Variants in PITPNC1 observed in about 807,000 individuals in gnomAD.
The protein encoded by PITPNC1 is cytoplasmic phosphatidylinositol transfer protein 1.
PITPNC1 carries 18 observed loss-of-function variants against 44.7 expected under a neutral mutation model. The ratio of observed to expected loss-of-function variants is 0.40; its 90% CI spans 0.28 to 0.60. The LOEUF is 0.60. Among genes scored for constraint, PITPNC1 ranks in the 20% least tolerant of loss-of-function variants. The pLI, the probability that PITPNC1 is intolerant of heterozygous loss-of-function variation, is 0.39. For missense variants in PITPNC1, 290 were observed against 418.4 expected (o/e 0.69, Z 2.68); for synonymous variants, 141 against 149.6 (o/e 0.94, Z 0.42).
chr17:67,632,336 C>G (rs1017515934), intron 6 of PITPNC1, 98 bp downstream of exon 6: 6 of 749,064 alleles, frequency 8.0e-6, no homozygotes, highest in Non-Finnish European at 1.4e-5. Context: ...TGCCATCTCT[C>G]GTCGTGTGGA....
At chr17:67,427,377 A>AT (rs1207737601) in intron 1 of PITPNC1, among the ~76,000 whole-genome samples, 3 of 151,682 alleles carry the variant, frequency 2.0e-5, no homozygotes, top group East Asian at 1.9e-4. Context: ...CGCCCGGCTA[A>AT]TTTTTTTTGT....
chr17:67,401,318 C>G (rs2038307642), intron 1 of PITPNC1, among the ~76,000 whole-genome samples: 1 of 152,156 alleles, frequency 6.6e-6, no homozygotes, highest in Non-Finnish European at 1.5e-5. Flanking sequence ...AGAGTCCTTT[C>G]TATGATAATC....
chr17:67,456,766 GTCTTTC>G (rs1219576177), intron 1 of PITPNC1, among the ~76,000 whole-genome samples: 3 of 151,750 alleles, frequency 2.0e-5, no homozygotes, highest in Non-Finnish European at 4.4e-5. Context: ...GTCTTTACTC[GTCTTTC>G]TAAGTACTCT....
intron 5 of PITPNC1, among the ~76,000 whole-genome samples, chr17:67,583,102 G>C (rs943452348): frequency 6.6e-6 from 1 of 152,164 alleles, no homozygotes; most frequent in South Asian, 2.1e-4. Flanking sequence ...GCGCAGGCTG[G>C]TCTAAACCAG....
At chr17:67,384,456 C>T (rs1192471637) in intron 1 of PITPNC1, among the ~76,000 whole-genome samples, 6 of 149,564 alleles carry the variant, frequency 4.0e-5, no homozygotes, top group Non-Finnish European at 8.9e-5. Context: ...GACGGAGTCT[C>T]GCTCTTTCGC....
intron 1 of PITPNC1, among the ~76,000 whole-genome samples, chr17:67,459,991 C>G (rs2039312301): frequency 1.3e-5 from 2 of 152,206 alleles, no homozygotes; most frequent in Non-Finnish European, 2.9e-5. Flanking sequence ...CAGAGCTCTT[C>G]TATCTCTCTC....
At chr17:67,538,383 T>C (rs1215375424) in intron 2 of PITPNC1, among the ~76,000 whole-genome samples, 1 of 152,146 alleles carries the variant, frequency 6.6e-6, no homozygotes, top group Admixed American at 6.6e-5. Context: ...GAGGATCGAT[T>C]GAGCCTAGGA....
At chr17:67,667,095 G>C (rs1191417285) in intron 6 of PITPNC1, among the ~76,000 whole-genome samples, 1 of 152,162 alleles carries the variant, frequency 6.6e-6, no homozygotes. Flanking sequence ...CCAATTTTCT[G>C]CTTCAGCCTG....
chr17:67,531,217 C>T (rs181933738), intron 1 of PITPNC1, among the ~76,000 whole-genome samples: 18 of 152,226 alleles, frequency 1.2e-4, no homozygotes, highest in Non-Finnish European at 1.8e-4. Flanking sequence ...TAGTCCCGCC[C>T]GTGTGACAGA....
At chr17:67,664,198 C>T (rs2042389208) in intron 6 of PITPNC1, among the ~76,000 whole-genome samples, 1 of 152,150 alleles carries the variant, frequency 6.6e-6, no homozygotes, top group Non-Finnish European at 1.5e-5. Flanking sequence ...CTCCTGACCT[C>T]AGGTGATCCA....
At chr17:67,458,214 T>G (rs1245224707) in intron 1 of PITPNC1, among the ~76,000 whole-genome samples, 2 of 152,206 alleles carry the variant, frequency 1.3e-5, no homozygotes, top group African/African-American at 4.8e-5. Context: ...CTCTTTTTCC[T>G]TCACAGGTGT....
chr17:67,426,971 C>A (rs1219616691), intron 1 of PITPNC1, among the ~76,000 whole-genome samples: 2 of 152,100 alleles, frequency 1.3e-5, no homozygotes, highest in Admixed American at 1.3e-4. Context: ...GTTCTGAGCA[C>A]CATGCTTACA....
chr17:67,471,289 G>C (rs960169656), intron 1 of PITPNC1, among the ~76,000 whole-genome samples: 9 of 142,576 alleles, frequency 6.3e-5, no homozygotes, highest in African/African-American at 2.4e-4. Context: ...TGTATCAATA[G>C]TTTGTTCCTT....
At chr17:67,561,710 C>T (rs1173951750) in intron 4 of PITPNC1, among the ~76,000 whole-genome samples, 1 of 152,184 alleles carries the variant, frequency 6.6e-6, no homozygotes, top group Non-Finnish European at 1.5e-5. Context: ...TGGCCATATG[C>T]TCACCTGTAT....
intron 5 of PITPNC1, among the ~76,000 whole-genome samples, chr17:67,618,855 C>T (rs959267871): frequency 2.0e-5 from 3 of 151,978 alleles, no homozygotes; most frequent in Non-Finnish European, 4.4e-5. Context: ...GTTAGGAGAT[C>T]GAGACCATCC....
chr17:67,508,931 C>G lies in PITPNC1; in HGVS notation c.49-23871C>G, dbSNP rs12945308. 0.05 allele frequency among the ~76,000 whole-genome samples: 7,650 copies of G among 152,122 alleles called. 253 individuals carry two copies. Among genetic ancestry groups the G allele is most frequent in the Middle Eastern group, 0.11 (31 of 294 alleles). ...AAATTTCATGTTATGTATGTTTTAC[C>G]ATAATTTAAAAATAAAAACAGGCCG... is the stretch of plus-strand genomic sequence containing the variant. On this transcript the variant is annotated intron_variant, in intron 1 of 8. Transcript: ENST00000581322. The surrounding 1 kb of genome is among the most constrained non-coding windows in gnomAD (Gnocchi z 4.2).
In PITPNC1 at chr17:67,540,863, A is replaced by G. The variant is rs368252697; in HGVS notation, c.197+7913A>G. ...TAAGCCAACATCTGGCTAAATATCT[A>G]GAAGATATCCTTTCCATACCCTTGA... On this transcript the variant is annotated intron_variant, in intron 2 of 8. Transcript: ENST00000581322. Among the ~76,000 whole-genome samples, 42 of 152,350 alleles carry G rather than the reference A, an allele frequency of 2.8e-4. No individual in the cohort carries two copies. The South Asian group carries it at 8.3e-3, about 30-fold the overall frequency.
At chr17:67,568,857 T>C (rs1284578054) in intron 4 of PITPNC1, among the ~76,000 whole-genome samples, 2 of 152,312 alleles carry the variant, frequency 1.3e-5, no homozygotes, top group East Asian at 3.9e-4. Context: ...TTCTTTTACA[T>C]TGTAAAGTGG....
intron 1 of PITPNC1, among the ~76,000 whole-genome samples, chr17:67,445,688 C>G (rs1455223761): frequency 6.6e-6 from 1 of 152,020 alleles, no homozygotes; most frequent in Non-Finnish European, 1.5e-5. Context: ...CCCAAGATGA[C>G]CTGGCAACTG....
Sources: allele counts gnomAD v4.1 joint callset (sites outside exome capture counted in the v4.1 genomes callset), GRCh38; gene constraint gnomAD v4.1.1; non-coding constraint Gnocchi (gnomAD v3.1); transcripts MANE v1.5; gene names NCBI Gene and HGNC (gene_info 2026-07-23, HGNC 2026-07-21).